Variants in INPP5K observed in about 807,000 individuals in gnomAD.
INPP5K encodes the protein inositol polyphosphate-5-phosphatase K, also known as inositol polyphosphate 5-phosphatase K.
INPP5K carries 35 observed loss-of-function variants against 53.5 expected under a neutral mutation model. The ratio of observed to expected loss-of-function variants is 0.65; its 90% CI spans 0.50 to 0.87. The LOEUF (loss-of-function observed/expected upper bound fraction) is 0.87. Ranked by LOEUF, INPP5K falls within the 40% of genes least tolerant of loss-of-function variation. INPP5K has a pLI of 0.00. For synonymous variants in INPP5K, 253 were observed against 232.8 expected (o/e 1.09, Z -0.79); for missense variants, 550 against 586.2 (o/e 0.94, Z 0.64).
At chr17:1,516,242 G>A (rs1181980373) in intron 1 of INPP5K, 25 of 852,832 alleles carry the variant, frequency 2.9e-5, no homozygotes, top group Non-Finnish European at 3.9e-5. Flanking sequence ...CACCTGCTGC[G>A]CCCCAGTGGG....
chr17:1,508,039 G>T, intron 6 of INPP5K, 76 bp downstream of exon 6: 1 of 1,049,404 alleles, frequency 9.5e-7, no homozygotes, highest in Non-Finnish European at 1.5e-6. Context: ...AGGGCATCTA[G>T]CAACACTCTG....
chr17:1,504,732 T>C (rs1378435312), intron 7 of INPP5K, among the ~76,000 whole-genome samples: 3 of 152,242 alleles, frequency 2.0e-5, no homozygotes, highest in Non-Finnish European at 1.5e-5. Flanking sequence ...GGCAAAGCCT[T>C]GGCGCACACC....
rs1353808652 is a variant in INPP5K at position 1,496,318 on chromosome 17, C to T, written c.1185+1G>A. 4 of 1,559,350 alleles carry T rather than the reference C, an allele frequency of 2.6e-6. No individual in the cohort carries two copies. Among genetic ancestry groups the T allele is most frequent in the Admixed American group, 1.9e-5 (1 of 51,510 alleles). ...TGATGTACCTGGTGCTGGTGACGTA[C>T]CTGGTTCAGGTTGTCGCTGCAGGAG... On this transcript the variant is annotated splice_donor_variant, in intron 10 of 11. Coordinates refer to ENST00000421807, the MANE Select transcript of INPP5K (RefSeq NM_016532.4). LOFTEE classifies it high-confidence loss of function.
chr17:1,504,765 G>A (rs1212692240), intron 7 of INPP5K, among the ~76,000 whole-genome samples: 1 of 152,232 alleles, frequency 6.6e-6, no homozygotes, highest in Non-Finnish European at 1.5e-5. Context: ...ACAATGAGCT[G>A]TTATTTGGAA....
intron 7 of INPP5K, among the ~76,000 whole-genome samples, chr17:1,500,719 T>TC (rs2074989649): frequency 6.6e-6 from 1 of 150,396 alleles, no homozygotes; most frequent in South Asian, 2.1e-4. Flanking sequence ...ATTTTCTGTT[T>TC]CCCACTCAGC....
intron 4 of INPP5K, 80 bp from the exon 5 acceptor site, chr17:1,509,433 C>CAGGAAGTG: frequency 1.5e-6 from 2 of 1,349,276 alleles, no homozygotes; most frequent in Non-Finnish European, 2.1e-6. Context: ...GACCTGAGGG[C>CAGGAAGTG]AGACAGTCTC....
chr17:1,514,142 G>T (rs2075377251), intron 1 of INPP5K, among the ~76,000 whole-genome samples, 163 bp from the exon 2 acceptor site: 2 of 151,934 alleles, frequency 1.3e-5, no homozygotes, highest in Non-Finnish European at 2.9e-5. Flanking sequence ...GGCCAACATG[G>T]TGAAACCCCG....
At chr17:1,496,250 T>G in intron 10 of INPP5K, 69 bp downstream of exon 10, 1 of 1,503,814 alleles carries the variant, frequency 6.6e-7, no homozygotes, top group Non-Finnish European at 9.1e-7. Flanking sequence ...AGCACTCTGT[T>G]CCTTCCACAA....
At chr17:1,505,670 G>T (rs548112685) in intron 7 of INPP5K, among the ~76,000 whole-genome samples, 8 of 152,152 alleles carry the variant, frequency 5.3e-5, no homozygotes, top group Non-Finnish European at 1.2e-4. Flanking sequence ...TGGCTTTGCT[G>T]TAACACTTCC....
intron 3 of INPP5K, among the ~76,000 whole-genome samples, chr17:1,511,054 C>G (rs1417189628): frequency 1.3e-5 from 2 of 152,138 alleles, no homozygotes; most frequent in South Asian, 2.1e-4. Context: ...AGAAAATGCT[C>G]CCCCCAAACC....
intron 7 of INPP5K, among the ~76,000 whole-genome samples, chr17:1,501,889 G>T (rs1022746177): frequency 6.7e-6 from 1 of 148,612 alleles, no homozygotes; most frequent in African/African-American, 2.5e-5. Context: ...ACACAAATTT[G>T]CCAGGCGTGG....
intron 7 of INPP5K, among the ~76,000 whole-genome samples, chr17:1,503,185 CTTTT>C (rs748921781): frequency 3.7e-5 from 5 of 135,644 alleles, no homozygotes; most frequent in South Asian, 4.7e-4. Flanking sequence ...CACGCCTGGC[CTTTT>C]TTTTTTTTTT....
chr17:1,508,235 A>G lies in INPP5K; in HGVS notation c.555-9T>C, dbSNP rs1264197995. On this transcript the variant is annotated splice_polypyrimidine_tract_variant and intron_variant, in intron 5 of 11. Transcript: ENST00000421807. The stretch of plus-strand genomic sequence containing the variant: ...CAAACCAGATAATGAGGCTTCAGAA[A>G]AAAAGGAGGGCAGCCTGAGGATTTG... 2.3e-5 allele frequency: 36 copies of G among 1,599,914 alleles called. No homozygotes were observed. Among genetic ancestry groups the G allele is most frequent in the Admixed American group, 3.3e-5 (2 of 60,012 alleles).
intron 7 of INPP5K, among the ~76,000 whole-genome samples, chr17:1,504,115 T>C (rs2150985011): frequency 6.6e-6 from 1 of 152,310 alleles, no homozygotes; most frequent in South Asian, 2.1e-4. Context: ...CTGGAAACCT[T>C]CTATTGACTA....
chr17:1,515,855 CTTTTA>C (rs975234919), intron 1 of INPP5K: 5 of 952,016 alleles, frequency 5.3e-6, no homozygotes, highest in Admixed American at 6.2e-5. Flanking sequence ...GAACAAAGAC[CTTTTA>C]CTCAGAGACT....
In INPP5K at chr17:1,506,066, C is replaced by T. The variant is rs564257183; in HGVS notation, c.776+914G>A. On this transcript the variant is annotated intron_variant, in intron 7 of 11. Transcript: ENST00000421807. ...TGAGACGGAGTCTCGCTCTGTCACC[C>T]AGGCTGGAGTGCAGCGGTGAGATCT... 2.0e-5 allele frequency among the ~76,000 whole-genome samples: 3 copies of T among 152,320 alleles called. No homozygotes were observed. In the South Asian group the frequency reaches 6.2e-4, roughly 32 times the overall value.
chr17:1,513,739 T>G (rs2075364521), intron 2 of INPP5K, 133 bp downstream of exon 2: 17 of 878,532 alleles, frequency 1.9e-5, no homozygotes, highest in Non-Finnish European at 3.1e-5. Flanking sequence ...ACCAGAGACA[T>G]GGGACTGTCC....
intron 7 of INPP5K, among the ~76,000 whole-genome samples, chr17:1,500,927 C>A (rs1395267936): frequency 1.3e-5 from 2 of 149,224 alleles, no homozygotes; most frequent in African/African-American, 2.4e-5. Flanking sequence ...CAGTTGGAAA[C>A]ACTATTTTTG....
intron 11 of INPP5K, 48 bp downstream of exon 11, chr17:1,496,012 A>G (rs746285201): frequency 1.4e-6 from 2 of 1,455,744 alleles, no homozygotes; most frequent in Admixed American, 3.4e-5. Context: ...GGAGCCAGTG[A>G]TGAGCTCAAG....
Sources: allele counts gnomAD v4.1 joint callset (sites outside exome capture counted in the v4.1 genomes callset), GRCh38; gene constraint gnomAD v4.1.1; transcripts MANE v1.5; gene names NCBI Gene and HGNC (gene_info 2026-07-23, HGNC 2026-07-21).